ELF2: variants seen among roughly 807,000 people sequenced by gnomAD.
ELF2 encodes ETS-related transcription factor Elf-2.
Under a neutral mutation model 54.8 loss-of-function variants are expected in ELF2, and 11 were observed. The observed-to-expected ratio is 0.20, with a 90% CI of 0.13 to 0.33. The LOEUF is 0.33. Ranked by LOEUF, ELF2 falls within the 10% of genes least tolerant of loss-of-function variation. The pLI is 1.00. For synonymous variants in ELF2, 203 were observed against 245.1 expected, an observed-to-expected ratio of 0.83 and a Z score of 1.61; for missense variants, 513 against 703.0, an observed-to-expected ratio of 0.73 and a Z score of 3.06.
intron 1 of ELF2, among the ~76,000 whole-genome samples, chr4:139,145,641 A>G (rs1053006054): frequency 6.6e-6 from 1 of 152,230 alleles, no homozygotes; most frequent in African/African-American, 2.4e-5. Context: ...AAAATCCTCA[A>G]CAAAATACTA....
chr4:139,084,295 C>CGACACA, intron 4 of ELF2: 5 of 1,598,916 alleles, frequency 3.1e-6, no homozygotes, highest in Non-Finnish European at 4.2e-6. Context: ...GCCGTGCGAC[C>CGACACA]GACACACACT....
intron 4 of ELF2, among the ~76,000 whole-genome samples, chr4:139,080,229 G>C (rs1245275278): frequency 6.6e-6 from 1 of 152,102 alleles, no homozygotes; most frequent in Non-Finnish European, 1.5e-5. Flanking sequence ...GTTTTTACAT[G>C]AATTTTAGTA....
At chr4:139,152,985 C>G (rs1227473589) in intron 1 of ELF2, among the ~76,000 whole-genome samples, 1 of 148,484 alleles carries the variant, frequency 6.7e-6, no homozygotes, top group African/African-American at 2.5e-5. Flanking sequence ...CATTCTCCTG[C>G]CTCAAAAGTC....
intron 3 of ELF2, among the ~76,000 whole-genome samples, chr4:139,129,693 G>A (rs1184624150): frequency 6.6e-6 from 1 of 152,214 alleles, no homozygotes; most frequent in Non-Finnish European, 1.5e-5. Flanking sequence ...AAAGCACAGA[G>A]TAAGTTATTC....
chr4:139,068,091 G>A lies in ELF2; in HGVS notation c.527-321C>T, dbSNP rs551883220. On this transcript the variant is annotated intron_variant, in intron 6 of 9. Coordinates refer to ENST00000686138, the MANE Select transcript of ELF2 (RefSeq NM_001331036.3). ...GCCCAGGCTGGAGTGCACGATCTCC[G>A]CTCACTGCAACCTCTGCCTCCCGGG... 4.6e-5 allele frequency among the ~76,000 whole-genome samples: 7 copies of A among 151,542 alleles called. No individual in the cohort carries two copies. The South Asian group carries it at 8.3e-4, about 18-fold the overall frequency.
intron 4 of ELF2, among the ~76,000 whole-genome samples, chr4:139,087,351 G>A (rs973831369): frequency 1.3e-5 from 2 of 152,196 alleles, no homozygotes; most frequent in East Asian, 3.8e-4. Flanking sequence ...CTTGCCTCAA[G>A]CAATCCTCCG....
At chr4:139,091,954 T>TATATATACATATATACACTAC (rs1240135111) in intron 4 of ELF2, among the ~76,000 whole-genome samples, 5 of 148,582 alleles carry the variant, frequency 3.4e-5, no homozygotes, top group African/African-American at 9.9e-5. Flanking sequence ...TATACACACA[T>TATATATACATATATACACTAC]ATATATACAT....
intron 4 of ELF2, among the ~76,000 whole-genome samples, chr4:139,124,622 T>C (rs1736721517): frequency 6.6e-6 from 1 of 152,072 alleles, no homozygotes; most frequent in Non-Finnish European, 1.5e-5. Flanking sequence ...TAGATACTAA[T>C]CTCCAATTAA....
intron 1 of ELF2, among the ~76,000 whole-genome samples, chr4:139,146,037 A>G (rs536816436): frequency 1.3e-5 from 2 of 152,364 alleles, no homozygotes; most frequent in Non-Finnish European, 2.9e-5. Context: ...GCAATCAGGC[A>G]TGAGAAAGAA....
intron 4 of ELF2, among the ~76,000 whole-genome samples, chr4:139,110,967 C>T (rs139324408): frequency 6.6e-6 from 1 of 152,120 alleles, no homozygotes; most frequent in African/African-American, 2.4e-5. Flanking sequence ...TAAATTAACA[C>T]TGCTGCCAAT....
intron 4 of ELF2, among the ~76,000 whole-genome samples, chr4:139,090,935 T>C (rs1732504785): frequency 6.6e-6 from 1 of 151,944 alleles, no homozygotes; most frequent in Admixed American, 6.6e-5. Context: ...TTGTTTTGTT[T>C]TGTTTTGTTT....
At chr4:139,092,100 C>T (rs1732654223) in intron 4 of ELF2, among the ~76,000 whole-genome samples, 1 of 149,296 alleles carries the variant, frequency 6.7e-6, no homozygotes, top group African/African-American at 2.5e-5. Flanking sequence ...GGTGGCTCAC[C>T]CCTGTAATCC....
intron 4 of ELF2, among the ~76,000 whole-genome samples, chr4:139,095,879 T>A (rs1198585099): frequency 6.6e-6 from 1 of 152,150 alleles, no homozygotes. Context: ...ACCCCATCTC[T>A]ACTGAAGTAC....
At chr4:139,067,591 G>T in intron 7 of ELF2, 93 bp downstream of exon 7, 15 of 1,266,598 alleles carry the variant, frequency 1.2e-5, no homozygotes, top group Non-Finnish European at 1.6e-5. Context: ...TCTCATATGT[G>T]CATGTACTAG....
chr4:139,063,422 A>C (rs1174500396), intron 7 of ELF2, among the ~76,000 whole-genome samples: 1 of 152,226 alleles, frequency 6.6e-6, no homozygotes, highest in Non-Finnish European at 1.5e-5. Flanking sequence ...ATGGAAAAAT[A>C]TGGTAATTCC....
intron 1 of ELF2, among the ~76,000 whole-genome samples, chr4:139,164,159 G>GA (rs1439601853): frequency 2.1e-5 from 3 of 143,500 alleles, no homozygotes; most frequent in Non-Finnish European, 4.5e-5. Context: ...AAGAAAGAAA[G>GA]AAGGAAAAGA....
chr4:139,084,459 C>G, intron 4 of ELF2: 4 of 1,150,600 alleles, frequency 3.5e-6, no homozygotes, highest in Non-Finnish European at 3.2e-6. Flanking sequence ...GCGGCGGCGG[C>G]GGCTGTGGCT....
intron 4 of ELF2, among the ~76,000 whole-genome samples, chr4:139,085,666 T>C (rs1731903491): frequency 6.6e-6 from 1 of 152,228 alleles, no homozygotes; most frequent in African/African-American, 2.4e-5. Context: ...CTACATGCTA[T>C]TTCCAAAGTA....
intron 1 of ELF2, among the ~76,000 whole-genome samples, chr4:139,158,673 T>C (rs886530375): frequency 6.6e-6 from 1 of 152,126 alleles, no homozygotes; most frequent in Non-Finnish European, 1.5e-5. Context: ...TACGGTTTTG[T>C]ATGAATTGAA....
Sources: gnomAD v4.1 joint callset for allele counts (sites outside exome capture counted in the v4.1 genomes callset) on GRCh38, gnomAD v4.1.1 for gene constraint, MANE v1.5 for transcripts, NCBI Gene and HGNC (gene_info 2026-07-23, HGNC 2026-07-21) for gene names.